RAPGEF5: variants seen among roughly 807,000 people sequenced by gnomAD.
RAPGEF5 encodes Rap guanine nucleotide exchange factor 5.
RAPGEF5 carries 65 observed loss-of-function variants against 125.2 expected under a neutral mutation model. The observed-to-expected ratio is 0.52, with a 90% CI of 0.43 to 0.64. The LOEUF (loss-of-function observed/expected upper bound fraction) is 0.64. Ranked by LOEUF, RAPGEF5 falls within the 30% of genes least tolerant of loss-of-function variation. RAPGEF5 has a pLI of 0.00. For missense variants in RAPGEF5, 958 were observed against 1,048.1 expected, an observed-to-expected ratio of 0.91 and a Z score of 1.19; for synonymous variants, 391 against 385.9, an observed-to-expected ratio of 1.01 and a Z score of -0.16.
intron 9 of RAPGEF5, among the ~76,000 whole-genome samples, chr7:22,211,995 C>T (rs1217863727): frequency 1.5e-5 from 2 of 133,470 alleles, no homozygotes; most frequent in African/African-American, 5.7e-5. Context: ...TAGACCGAGT[C>T]TCGCACTGTT....
intron 1 of RAPGEF5, among the ~76,000 whole-genome samples, chr7:22,326,079 T>C (rs1783808730): frequency 6.6e-6 from 1 of 152,250 alleles, no homozygotes; most frequent in Non-Finnish European, 1.5e-5. Context: ...CATCTGGATA[T>C]AAACTACTGT....
chr7:22,243,342 T>C (rs1049281231), intron 7 of RAPGEF5, among the ~76,000 whole-genome samples: 5 of 152,182 alleles, frequency 3.3e-5, no homozygotes, highest in African/African-American at 1.2e-4. Flanking sequence ...CTGCAACCAC[T>C]GTCTCCCGGA....
intron 9 of RAPGEF5, among the ~76,000 whole-genome samples, chr7:22,202,037 G>A (rs998596613): frequency 1.1e-4 from 17 of 152,220 alleles, no homozygotes; most frequent in African/African-American, 3.6e-4. Context: ...GGACAGAGAG[G>A]TCAGCAAAGG....
chr7:22,291,738 G>A (rs999768791), intron 5 of RAPGEF5, among the ~76,000 whole-genome samples: 3 of 152,150 alleles, frequency 2.0e-5, no homozygotes, highest in South Asian at 2.1e-4. Flanking sequence ...ATATAAAAAC[G>A]CAGAAGTTTT....
intron 7 of RAPGEF5, among the ~76,000 whole-genome samples, chr7:22,238,050 G>A (rs562871598): frequency 1.1e-4 from 16 of 152,260 alleles, no homozygotes; most frequent in African/African-American, 3.9e-4. Context: ...AAACCCCTGG[G>A]ATCTGACATG....
chr7:22,307,579 T>C (rs1489108413), intron 5 of RAPGEF5, among the ~76,000 whole-genome samples: 1 of 152,180 alleles, frequency 6.6e-6, no homozygotes, highest in Non-Finnish European at 1.5e-5. Flanking sequence ...TTTTAACTAA[T>C]AAGAGTTACC....
At chr7:22,258,995 C>T (rs562365109) in intron 7 of RAPGEF5, among the ~76,000 whole-genome samples, 15 of 151,892 alleles carry the variant, frequency 9.9e-5, no homozygotes, top group South Asian at 8.3e-4. Flanking sequence ...ATGACTCATG[C>T]GAGAAAAAAT....
At chr7:22,175,807 A>T (rs376985239) in intron 11 of RAPGEF5, among the ~76,000 whole-genome samples, 2 of 152,232 alleles carry the variant, frequency 1.3e-5, no homozygotes, top group African/African-American at 4.8e-5. Context: ...TAGTCATTCT[A>T]ACAACTGAAT....
At chr7:22,276,237 G>A (rs547726704) in intron 6 of RAPGEF5, among the ~76,000 whole-genome samples, 24 of 152,180 alleles carry the variant, frequency 1.6e-4, no homozygotes, top group African/African-American at 4.3e-4. Context: ...TAGACCCAGC[G>A]TATTATTCAA....
chr7:22,197,450 A>G (rs190703567), intron 9 of RAPGEF5, among the ~76,000 whole-genome samples: 1 of 152,328 alleles, frequency 6.6e-6, no homozygotes, highest in East Asian at 1.9e-4. Context: ...ACATTAACTG[A>G]AGATGTTAAC....
At chr7:22,255,976 G>C (rs1435482288) in intron 7 of RAPGEF5, among the ~76,000 whole-genome samples, 2 of 152,212 alleles carry the variant, frequency 1.3e-5, no homozygotes, top group African/African-American at 2.4e-5. Flanking sequence ...GTGAGTCTCA[G>C]GGTGGCACCT....
intron 5 of RAPGEF5, among the ~76,000 whole-genome samples, chr7:22,299,377 A>G (rs1277429923): frequency 6.6e-6 from 1 of 152,108 alleles, no homozygotes; most frequent in Non-Finnish European, 1.5e-5. Flanking sequence ...GATTTTACAA[A>G]TATCATTTTA....
intron 1 of RAPGEF5, among the ~76,000 whole-genome samples, chr7:22,324,959 AC>A (rs1174468634): frequency 1.3e-5 from 2 of 152,162 alleles, no homozygotes; most frequent in African/African-American, 4.8e-5. Context: ...GCACTTCTCT[AC>A]AGACACTCTG....
At chr7:22,196,857 A>G (rs1398699266) in intron 9 of RAPGEF5, among the ~76,000 whole-genome samples, 4 of 152,224 alleles carry the variant, frequency 2.6e-5, no homozygotes, top group African/African-American at 9.6e-5. Context: ...CCTCTGGACA[A>G]AGGTCAAGGG....
chr7:22,297,706 T>C (rs150019716), intron 5 of RAPGEF5, among the ~76,000 whole-genome samples: 12 of 152,336 alleles, frequency 7.9e-5, no homozygotes, highest in Admixed American at 7.2e-4. Flanking sequence ...TATAACTATG[T>C]CATCTGCAAG....
intron 9 of RAPGEF5, among the ~76,000 whole-genome samples, chr7:22,196,969 T>C (rs777596081): frequency 6.6e-6 from 1 of 152,066 alleles, no homozygotes; most frequent in Admixed American, 6.5e-5. Flanking sequence ...TTAAAGGAGC[T>C]AAAATCACAC....
At chr7:22,142,740 T>A (rs1783305199) in intron 20 of RAPGEF5, among the ~76,000 whole-genome samples, 1 of 152,212 alleles carries the variant, frequency 6.6e-6, no homozygotes, top group Admixed American at 6.5e-5. Context: ...TTTGTCTTTG[T>A]GTGAGGAAAT....
In RAPGEF5 at chr7:22,308,470, G is replaced by A; in HGVS notation, c.549C>T (p.Phe183=). The change falls in exon 5 of 26, where the codon TTC becomes TTT. Residue 183 remains phenylalanine, a synonymous_variant. Transcript: ENST00000665637. ...QHLYFQDTYV[F]YQFSSDECSY... ...TACATTCATCAGAGGAAAACTGGTA[G>A]AAAACATAAGTATCTTGAAAGTATA... 1 of 1,564,380 alleles carries A rather than the reference G, an allele frequency of 6.4e-7. No homozygotes were observed. Among genetic ancestry groups the A allele is most frequent in the Non-Finnish European group, 8.7e-7 (1 of 1,153,082 alleles).
chr7:22,220,032 C>T (rs1014590594), intron 8 of RAPGEF5, 41 bp from the exon 9 acceptor site: 3 of 1,609,534 alleles, frequency 1.9e-6, no homozygotes, highest in African/African-American at 2.7e-5. Flanking sequence ...CTTAAAACCA[C>T]AGTCCCAGGA....
Sources: allele counts gnomAD v4.1 joint callset (sites outside exome capture counted in the v4.1 genomes callset), GRCh38; gene constraint gnomAD v4.1.1; transcripts MANE v1.5; gene names NCBI Gene and HGNC (gene_info 2026-07-23, HGNC 2026-07-21).